DNMBP: variants seen among roughly 807,000 people sequenced by gnomAD.
The protein encoded by DNMBP is dynamin binding protein, also known as dynamin-binding protein.
Under a neutral mutation model 150.0 loss-of-function variants are expected in DNMBP, and 87 were observed. The observed-to-expected ratio is 0.58, with a 90% CI of 0.49 to 0.69. DNMBP has a LOEUF of 0.69. DNMBP is among the 30% of genes least tolerant of loss of function. The pLI, the probability that DNMBP is intolerant of heterozygous loss-of-function variation, is 0.00. For synonymous variants in DNMBP, 711 were observed against 750.4 expected (o/e 0.95, Z 0.86); for missense variants, 1,774 against 1,949.0 (o/e 0.91, Z 1.69).
At position 99,915,108 on chromosome 10, in the gene DNMBP, A is replaced by ATAT. The variant is rs1554863106; in HGVS notation, c.2261-5963_2261-5962insATA. Among the ~76,000 whole-genome samples the ATAT allele has an allele frequency of 1.8e-4, 18 of 99,802 alleles. 1 individual carries two copies. The highest frequency in any genetic ancestry group is 0.017 in the Middle Eastern group (2 of 120). 65.5% of individuals were successfully genotyped at this position (99,802 alleles called of 152,430 possible). Reference sequence around the variant, plus strand: ...AAACTCTGTCTCAAAAAAAAAAAAAAATATATATATATATATATATACACA... The same window carrying ATAT: ...AAACTCTGTCTCAAAAAAAAAAAAAATATATATATATATATATATATATACACA... On this transcript the variant is annotated intron_variant, in intron 4 of 16. Transcript: ENST00000324109.
At chr10:99,948,538 A>G (rs1023259506) in intron 4 of DNMBP, among the ~76,000 whole-genome samples, 5 of 152,204 alleles carry the variant, frequency 3.3e-5, no homozygotes, top group Non-Finnish European at 5.9e-5. Flanking sequence ...ACAGTAAGAT[A>G]ATCAGACACA....
rs745790586 is a variant in DNMBP at position 99,955,791 on chromosome 10, C to A, written c.1683G>T (p.Lys561Asn). 1 of 1,614,242 alleles carries A rather than the reference C, an allele frequency of 6.2e-7. No individual in the cohort carries two copies. The highest frequency in any genetic ancestry group is 1.7e-5 in the Admixed American group (1 of 60,022). The change falls in exon 4 of 17, where the codon AAG (lysine) becomes AAT (asparagine). Residue 561 changes from lysine to asparagine, a missense_variant. Lys to Asn is a moderately conservative substitution (Grantham distance 94, BLOSUM62 0). Around this residue, in one of 2 missense-constraint regions of DNMBP, gnomAD observed 1,430 missense variants for 1,492.5 expected, o/e 0.96. Coordinates refer to ENST00000324109, the MANE Select transcript of DNMBP (RefSeq NM_015221.4). The stretch of plus-strand genomic sequence containing the variant: ...GCTCTGTGCCGGGCCCTGCCAAGCT[C>A]TTCTCAAACTCGATCAGCTGTTGTG... ...KLTQQLIEFEKSLAGPGTEPD... is the reference protein window; with the variant it reads ...KLTQQLIEFENSLAGPGTEPD...
chr10:99,898,845 C>A lies in DNMBP; in HGVS notation c.2703-85G>T. On this transcript the variant is annotated intron_variant, in intron 7 of 16. Transcript: ENST00000324109. ...TTCACATTTTTCTCAGAACATAAAT[C>A]ATGTGGGACAAAAAATTATGAATGT... The A allele has an allele frequency of 3.1e-6, 4 of 1,273,072 alleles. No homozygotes were observed. In the South Asian group the frequency reaches 3.8e-5, roughly 12 times the overall value. The allele number at this position is 1,273,072 out of a possible 1,614,324, so 78.9% of individuals were successfully genotyped here.
At chr10:99,961,033 T>C (rs1412551473) in intron 3 of DNMBP, among the ~76,000 whole-genome samples, 2 of 151,872 alleles carry the variant, frequency 1.3e-5, no homozygotes, top group African/African-American at 4.8e-5. Context: ...CTGTCTTATA[T>C]TCCCAAGTAG....
chr10:99,895,505 T>TA (rs1229643088), intron 10 of DNMBP, among the ~76,000 whole-genome samples: 1 of 152,246 alleles, frequency 6.6e-6, no homozygotes, highest in Admixed American at 6.5e-5. Context: ...TGAATTGATT[T>TA]AAACACCTGC....
chr10:99,981,273 C>A (rs937928129), intron 1 of DNMBP, among the ~76,000 whole-genome samples: 1 of 152,196 alleles, frequency 6.6e-6, no homozygotes, highest in Admixed American at 6.5e-5. Context: ...CCTTCACCTC[C>A]TGGGCTCAAG....
chr10:99,955,987 C>T lies in DNMBP; in HGVS notation c.1487G>A (p.Ser496Asn). ...ACTTGCTAGGTTGTGGAGCTGAGGA[C>T]TTGATTGTCTGGGTTTGACTACCCT... is the stretch of plus-strand genomic sequence containing the variant. ...ASRVVKPRQS[S>N]PQLHNLASYT... Residue 496 changes from serine to asparagine, a missense_variant, in exon 4 of 17, where the codon AGT (serine) becomes AAT (asparagine). This residue lies in a region of DNMBP where 1,430 missense variants were observed against 1,492.5 expected (regional missense o/e 0.96). Transcript: ENST00000324109. The T allele has an allele frequency of 6.2e-7, 1 of 1,614,112 alleles. No homozygotes were observed. Among genetic ancestry groups the T allele is most frequent in the East Asian group, 2.2e-5 (1 of 44,876 alleles).
At chr10:99,999,336 A>G (rs2040986611) in intron 1 of DNMBP, among the ~76,000 whole-genome samples, 1 of 152,246 alleles carries the variant, frequency 6.6e-6, no homozygotes, top group Admixed American at 6.5e-5. Flanking sequence ...GTTTCTTACG[A>G]TCTGTACCTC....
intron 6 of DNMBP, among the ~76,000 whole-genome samples, chr10:99,903,260 ACTC>A (rs956067345): frequency 6.6e-6 from 1 of 151,150 alleles, no homozygotes; most frequent in Non-Finnish European, 1.5e-5. Flanking sequence ...CCTTCTGTCT[ACTC>A]CTGCAACCTA....
chr10:99,927,896 G>C (rs1265043949), intron 4 of DNMBP, among the ~76,000 whole-genome samples: 1 of 152,136 alleles, frequency 6.6e-6, no homozygotes, highest in Non-Finnish European at 1.5e-5. Flanking sequence ...TTACAGTTGG[G>C]AGGCTTAATA....
At chr10:99,889,625 G>A (rs911711529) in intron 11 of DNMBP, 3 of 152,232 alleles carry the variant, frequency 2.0e-5, no homozygotes, top group African/African-American at 7.2e-5. Flanking sequence ...TTGAACTCCA[G>A]GTTGGTTTTC....
Position 99,876,480 on chromosome 10 carries a change from A to G in DNMBP, c.*671T>C, listed in dbSNP as rs1252177636. ...AGGGTCAACAGAAAATAAAGACCCT[A>G]AACACTTCTAAAAGTAGAACGCAGT... On this transcript the variant is annotated 3_prime_UTR_variant, in exon 17 of 17. Coordinates refer to ENST00000324109, the MANE Select transcript of DNMBP (RefSeq NM_015221.4). 1 of 152,240 alleles carries G rather than the reference A, an allele frequency of 6.6e-6. No homozygotes were observed. The highest frequency in any genetic ancestry group is 1.5e-5 in the Non-Finnish European group (1 of 68,032). 9.4% of individuals were successfully genotyped at this position (152,240 alleles called of 1,614,324 possible). A position where few individuals can be genotyped will look rare whatever the true frequency, so the allele number is the denominator to read the frequency against.
chr10:100,001,659 C>T (rs545584757), intron 1 of DNMBP, among the ~76,000 whole-genome samples: 5 of 152,220 alleles, frequency 3.3e-5, no homozygotes, highest in African/African-American at 9.6e-5. Flanking sequence ...GTGATCCGCC[C>T]GCCTTGGCCT....
intron 1 of DNMBP, among the ~76,000 whole-genome samples, chr10:99,978,950 G>A (rs1436504347): frequency 6.6e-6 from 1 of 152,054 alleles, no homozygotes; most frequent in Non-Finnish European, 1.5e-5. Context: ...ACAAATTCTG[G>A]ATTTTAACAG....
intron 4 of DNMBP, among the ~76,000 whole-genome samples, chr10:99,946,115 C>T (rs1334966264): frequency 1.3e-5 from 2 of 152,158 alleles, no homozygotes; most frequent in African/African-American, 2.4e-5. Flanking sequence ...CACCACTATG[C>T]CCTGCTAATT....
At chr10:99,900,225 C>A (rs1214815070) in intron 6 of DNMBP, among the ~76,000 whole-genome samples, 159 bp from the exon 7 acceptor site, 1 of 152,186 alleles carries the variant, frequency 6.6e-6, no homozygotes, top group East Asian at 1.9e-4. Flanking sequence ...TTCCATCTAA[C>A]AGCTTAAAGT....
At chr10:99,980,732 G>A (rs745558109) in intron 1 of DNMBP, among the ~76,000 whole-genome samples, 1 of 150,698 alleles carries the variant, frequency 6.6e-6, no homozygotes, top group Non-Finnish European at 1.5e-5. Flanking sequence ...TTGAGCCCAG[G>A]AGATTGAGGC....
At chr10:100,002,934 A>T (rs999449306) in intron 1 of DNMBP, among the ~76,000 whole-genome samples, 4 of 152,242 alleles carry the variant, frequency 2.6e-5, no homozygotes, top group African/African-American at 9.6e-5. Flanking sequence ...GGAAATCTTT[A>T]GACTCACTCT....
In DNMBP at chr10:99,908,982, G is replaced by A. The variant is rs1231191646; in HGVS notation, c.2425C>T (p.Arg809Trp). ...GCCTGCTGCATGGGTACCATGATCC[G>A]CTCAATACACATTTCCAGATCCCGA... ...YIRDLEMCIE[R>W]IMVPMQQAQV... is the part of the protein sequence containing the mutation. The change falls in exon 5 of 17, where the codon CGG (arginine) becomes TGG (tryptophan). Residue 809 changes from arginine to tryptophan, a missense_variant. By Grantham distance (101) the Arg-to-Trp change is moderately radical (BLOSUM62 -3). Transcript: ENST00000324109. 32 of 1,613,876 alleles carry A rather than the reference G, an allele frequency of 2.0e-5. No individual in the cohort carries two copies. Among genetic ancestry groups the A allele is most frequent in the South Asian group, 1.4e-4 (13 of 91,060 alleles).
Sources: gnomAD v4.1 joint callset for allele counts (sites outside exome capture counted in the v4.1 genomes callset) on GRCh38, gnomAD v4.1.1 for gene constraint, gnomAD v4.1.1 regional missense constraint, MANE v1.5 for transcripts, NCBI Gene and HGNC (gene_info 2026-07-23, HGNC 2026-07-21) for gene names.